Variants in ZNF420 observed in about 807,000 individuals in gnomAD.
The protein encoded by ZNF420 is zinc finger protein 420.
Under a neutral mutation model 44.7 loss-of-function variants are expected in ZNF420, and 31 were observed. The observed-to-expected ratio is 0.69, with a 90% CI of 0.52 to 0.94. The LOEUF (loss-of-function observed/expected upper bound fraction) is 0.94. ZNF420 is among the 40% of genes least tolerant of loss of function. ZNF420 has a pLI of 0.00. For synonymous variants in ZNF420, 245 were observed against 267.4 expected (o/e 0.92, Z 0.82); for missense variants, 681 against 827.9 (o/e 0.82, Z 2.18).
At chr19:37,042,303 G>A (rs1217107840) in intron 1 of ZNF420, among the ~76,000 whole-genome samples, 2 of 152,152 alleles carry the variant, frequency 1.3e-5, no homozygotes, top group African/African-American at 4.8e-5. Flanking sequence ...GGCCCTCCAG[G>A]GCCAATTTTC....
intron 1 of ZNF420, among the ~76,000 whole-genome samples, chr19:37,069,204 C>T (rs117502062): frequency 0.014 from 2,138 of 152,226 alleles, 17 homozygotes; most frequent in Middle Eastern, 0.041. Flanking sequence ...ATTAGCCTAT[C>T]GGGCAAATCT....
intron 3 of ZNF420, among the ~76,000 whole-genome samples, chr19:37,089,813 AC>A (rs1969033635): frequency 1.3e-5 from 2 of 152,356 alleles, no homozygotes; most frequent in African/African-American, 4.8e-5. Context: ...AGAAATACTT[AC>A]AAGATTTTTA....
chr19:37,064,672 T>A (rs924555013), intron 1 of ZNF420, among the ~76,000 whole-genome samples: 1 of 152,226 alleles, frequency 6.6e-6, no homozygotes, highest in Non-Finnish European at 1.5e-5. Context: ...CGCCATACTC[T>A]CCCTGGATAG....
intron 1 of ZNF420, among the ~76,000 whole-genome samples, chr19:37,050,414 C>G (rs924467397): frequency 6.6e-6 from 1 of 152,082 alleles, no homozygotes; most frequent in Non-Finnish European, 1.5e-5. Flanking sequence ...TGTAGTTCTC[C>G]TTGAAGAGGT....
rs1599669325 is a variant in ZNF420, at chr19:37,095,779, A to C, written c.136+4658A>C. Reference sequence around the variant, plus strand: ...AAGCCCAGCTTATTTTTTAATTTTTAGTAGAGACGGGGTTTCGCCATGTTG... The same window carrying C: ...AAGCCCAGCTTATTTTTTAATTTTTCGTAGAGACGGGGTTTCGCCATGTTG... On this transcript the variant is annotated intron_variant, in intron 4 of 4. Transcript: ENST00000337995. 1.3e-5 allele frequency among the ~76,000 whole-genome samples: 2 copies of C among 152,114 alleles called. 1 individual carries two copies. The highest frequency in any genetic ancestry group is 1.3e-4 in the Admixed American group (2 of 15,270).
intron 1 of ZNF420, among the ~76,000 whole-genome samples, chr19:37,051,914 G>A (rs1174417038): frequency 2.0e-5 from 3 of 152,170 alleles, no homozygotes; most frequent in Non-Finnish European, 4.4e-5. Flanking sequence ...ATTCTGATAT[G>A]TTGTGTTTTT....
intron 1 of ZNF420, among the ~76,000 whole-genome samples, chr19:37,041,833 T>C (rs1279776688): frequency 6.6e-6 from 1 of 152,200 alleles, no homozygotes; most frequent in Non-Finnish European, 1.5e-5. Context: ...ACACATACAC[T>C]TTTTACAGCA....
intron 1 of ZNF420, among the ~76,000 whole-genome samples, chr19:37,012,823 T>C (rs1480272277): frequency 1.3e-5 from 2 of 151,026 alleles, no homozygotes; most frequent in African/African-American, 4.9e-5. Flanking sequence ...TCTCCCATTC[T>C]CTCTTCCATC....
At chr19:37,051,190 T>A (rs996271315) in intron 1 of ZNF420, among the ~76,000 whole-genome samples, 8 of 152,190 alleles carry the variant, frequency 5.3e-5, no homozygotes, top group African/African-American at 1.9e-4. Context: ...CTCTTTTTTG[T>A]TGTGTCTCTG....
intron 1 of ZNF420, among the ~76,000 whole-genome samples, chr19:37,061,992 G>C (rs1200346259): frequency 6.6e-6 from 1 of 152,086 alleles, no homozygotes; most frequent in African/African-American, 2.4e-5. Context: ...TCACTTTTAG[G>C]TCATAAAACT....
chr19:37,077,880 G>A (rs931964948), upstream of ZNF420, among the ~76,000 whole-genome samples: 3 of 152,062 alleles, frequency 2.0e-5, no homozygotes, highest in African/African-American at 2.4e-5. Flanking sequence ...CCATTACTAC[G>A]CAGCTTAAAG....
intron 4 of ZNF420, among the ~76,000 whole-genome samples, chr19:37,105,165 T>C (rs1313040979): frequency 3.3e-5 from 5 of 152,230 alleles, no homozygotes; most frequent in Non-Finnish European, 7.3e-5. Context: ...CATCTTGAAT[T>C]AATTTTTATA....
intron 4 of ZNF420, among the ~76,000 whole-genome samples, chr19:37,110,665 T>G (rs1970339133): frequency 6.6e-6 from 1 of 152,180 alleles, no homozygotes; most frequent in South Asian, 2.1e-4. Context: ...TCTGATACAA[T>G]ATTGATAGAT....
chr19:37,033,473 T>A (rs1207619784), intron 1 of ZNF420, among the ~76,000 whole-genome samples: 1 of 152,230 alleles, frequency 6.6e-6, no homozygotes, highest in African/African-American at 2.4e-5. Context: ...TAGTTTTTTG[T>A]ATCCAGCTTC....
intron 2 of ZNF420, among the ~76,000 whole-genome samples, chr19:37,086,302 T>C (rs1446105281): frequency 6.6e-6 from 1 of 151,988 alleles, no homozygotes; most frequent in Non-Finnish European, 1.5e-5. Flanking sequence ...ATGGTTGGGG[T>C]TGGGGGAGTG....
intron 4 of ZNF420, among the ~76,000 whole-genome samples, chr19:37,102,696 C>T (rs1969845830): frequency 6.6e-6 from 1 of 152,206 alleles, no homozygotes; most frequent in Non-Finnish European, 1.5e-5. Flanking sequence ...TCCAAAGCTT[C>T]TGCAAAGAGA....
rs1361180294 is a variant in ZNF420 at position 37,129,264 on chromosome 19, A to T, written c.*206A>T. On this transcript the variant is annotated 3_prime_UTR_variant, in exon 5 of 5. Coordinates refer to ENST00000337995, the MANE Select transcript of ZNF420 (RefSeq NM_144689.5). ...CATTAGCAAATTGGAGAATAGTTTT[A>T]ATATAGTAAATGTAGGAAGCCCTTT... The T allele has an allele frequency of 5.0e-6, 3 of 601,142 alleles. No homozygotes were observed. In the East Asian group the frequency reaches 8.6e-5, roughly 17 times the overall value. The allele number at this position is 601,142 out of a possible 1,614,324, so 37.2% of individuals were successfully genotyped here.
chr19:37,094,772 T>C (rs756289504), intron 4 of ZNF420, among the ~76,000 whole-genome samples: 43 of 152,186 alleles, frequency 2.8e-4, no homozygotes, highest in Non-Finnish European at 5.9e-5. Context: ...AGAATTCTTA[T>C]CAGAAGTATA....
chr19:37,049,041 T>A (rs2146420710), intron 1 of ZNF420, among the ~76,000 whole-genome samples: 1 of 152,208 alleles, frequency 6.6e-6, no homozygotes. Context: ...ACAAAGGACA[T>A]GAACTCATCA....
Sources: allele counts gnomAD v4.1 joint callset (sites outside exome capture counted in the v4.1 genomes callset), GRCh38; gene constraint gnomAD v4.1.1; transcripts MANE v1.5; gene names NCBI Gene and HGNC (gene_info 2026-07-23, HGNC 2026-07-21).